ZDBF2: variants seen among roughly 807,000 people sequenced by gnomAD.
ZDBF2 encodes the protein zinc finger DBF-type containing 2.
In ZDBF2, 6 loss-of-function variants were observed where a neutral mutation model predicts 9.4. The observed-to-expected ratio is 0.64, with a 90% CI of 0.35 to 1.27. The LOEUF (loss-of-function observed/expected upper bound fraction) is 1.27, where lower values mean the gene tolerates loss of function less well. Among genes scored for constraint, ZDBF2 ranks in the 50% most tolerant of loss-of-function variants. The probability of loss-of-function intolerance (pLI) is 0.03; values close to 1 mark genes in which losing one functional copy is unlikely to be tolerated. For missense variants in ZDBF2, 2,697 were observed against 2,766.8 expected (o/e 0.97, Z 0.57); for synonymous variants, 905 against 946.3 (o/e 0.96, Z 0.80).
chr2:206,283,603 A>G lies in ZDBF2; in HGVS notation c.60+1694A>G, dbSNP rs200735722. Among the ~76,000 whole-genome samples the G allele has an allele frequency of 1.6e-4, 24 of 151,984 alleles. No homozygotes were observed. In the East Asian group the frequency reaches 3.7e-3, roughly 23 times the overall value. On this transcript the variant is annotated intron_variant, in intron 3 of 4. Coordinates refer to ENST00000374423, the MANE Select transcript of ZDBF2 (RefSeq NM_020923.3). Reference sequence around the variant, plus strand: ...GTAGAAGTCTTTATATATTTTGGATAATTGACCTTTATCAGATGTATGATT... The same window carrying G: ...GTAGAAGTCTTTATATATTTTGGATGATTGACCTTTATCAGATGTATGATT...
intron 3 of ZDBF2, among the ~76,000 whole-genome samples, chr2:206,286,748 T>C (rs1691623939): frequency 6.6e-6 from 1 of 152,180 alleles, no homozygotes; most frequent in Admixed American, 6.5e-5. Flanking sequence ...GGTGTATTGT[T>C]AGGTCATGAT....
chr2:206,287,731 G>A (rs559162160), intron 3 of ZDBF2, among the ~76,000 whole-genome samples: 2 of 152,016 alleles, frequency 1.3e-5, no homozygotes, highest in Non-Finnish European at 1.5e-5. Context: ...AAGTCTTGTA[G>A]GTTTTTTTCA....
intron 1 of ZDBF2, among the ~76,000 whole-genome samples, chr2:206,277,489 CATT>C (rs1232615023): frequency 5.9e-5 from 9 of 151,668 alleles, no homozygotes; most frequent in African/African-American, 1.9e-4. Flanking sequence ...TTAAAAATAG[CATT>C]ATTATTTTTA....
chr2:206,299,429 G>T (rs576430074), intron 4 of ZDBF2, among the ~76,000 whole-genome samples: 1 of 151,748 alleles, frequency 6.6e-6, no homozygotes, highest in Non-Finnish European at 1.5e-5. Context: ...CCAGCACTTT[G>T]GGAGGCCAAG....
At chr2:206,302,136 GTA>G (rs1692538904) in intron 4 of ZDBF2, among the ~76,000 whole-genome samples, 1 of 151,876 alleles carries the variant, frequency 6.6e-6, no homozygotes, top group African/African-American at 2.4e-5. Flanking sequence ...AGCCTCTTGA[GTA>G]TCTGGGACTA....
At chr2:206,281,176 T>G (rs1437759891) in intron 2 of ZDBF2, among the ~76,000 whole-genome samples, 1 of 152,206 alleles carries the variant, frequency 6.6e-6, no homozygotes, top group Admixed American at 6.5e-5. Flanking sequence ...ACTATTTATT[T>G]GTAGAGAAAT....
intron 3 of ZDBF2, among the ~76,000 whole-genome samples, chr2:206,286,875 G>A (rs1248986052): frequency 6.6e-6 from 1 of 152,080 alleles, no homozygotes; most frequent in Non-Finnish European, 1.5e-5. Context: ...ATTGCTTTCC[G>A]GTTGTTTTAT....
In ZDBF2 at chr2:206,307,704, C is replaced by CT; in HGVS notation, c.3182dup (p.Leu1061PhefsTer7). 6.2e-7 allele frequency: 1 copy of CT among 1,613,448 alleles called. No individual in the cohort carries two copies. The highest frequency in any genetic ancestry group is 1.6e-4 in the Middle Eastern group (1 of 6,062). On this transcript the variant is annotated frameshift_variant, in exon 5 of 5. Coordinates refer to ENST00000374423, the MANE Select transcript of ZDBF2 (RefSeq NM_020923.3). LOFTEE classifies it low-confidence loss of function (END_TRUNC). ...TCAATGACTGACCAACCTCAACTAG[C>CT]TTTTTTGAAGGAAAAACATGTTAAT...
intron 4 of ZDBF2, among the ~76,000 whole-genome samples, chr2:206,301,346 A>G (rs1692490104): frequency 6.6e-6 from 1 of 152,068 alleles, no homozygotes; most frequent in African/African-American, 2.4e-5. Flanking sequence ...TGATTTAATC[A>G]GATGTAAGGA....
At chr2:206,302,618 G>C (rs1172934387) in intron 4 of ZDBF2, among the ~76,000 whole-genome samples, 8 of 152,104 alleles carry the variant, frequency 5.3e-5, no homozygotes, top group Non-Finnish European at 1.2e-4. Context: ...AATGAAGATA[G>C]TTTAGGGTTC....
At chr2:206,277,480 T>A (rs957915071) in intron 1 of ZDBF2, among the ~76,000 whole-genome samples, 10 of 152,086 alleles carry the variant, frequency 6.6e-5, no homozygotes, top group African/African-American at 2.4e-4. Flanking sequence ...AGTCATTTTT[T>A]AAAAATAGCA....
rs969869677 is a variant in ZDBF2 at position 206,304,962 on chromosome 2, A to G, written c.434A>G (p.Gln145Arg). The G allele has an allele frequency of 3.7e-6, 6 of 1,613,602 alleles. No homozygotes were observed. The highest frequency in any genetic ancestry group is 1.3e-5 in the African/African-American group (1 of 74,922). ...PSVIQKLEKGQQQPLEFVHKI... is the reference protein window; with the variant it reads ...PSVIQKLEKGRQQPLEFVHKI... The stretch of plus-strand genomic sequence containing the variant: ...GTTATTCAAAAACTGGAGAAGGGAC[A>G]GCAGCAGCCCTTGGAGTTTGTTCAT... The change falls in exon 5 of 5, where the codon CAG becomes CGG. Residue 145 changes from glutamine (Q) to arginine (R), a missense_variant. Physicochemically the swap from Gln to Arg is conservative, Grantham distance 43. Transcript: ENST00000374423.
In ZDBF2 at chr2:206,313,610, T is replaced by C. The variant is rs1693285505; in HGVS notation, c.*2017T>C. 6.6e-6 allele frequency: 1 copy of C among 152,166 alleles called. No homozygotes were observed. Among genetic ancestry groups the C allele is most frequent in the South Asian group, 2.1e-4 (1 of 4,834 alleles). The allele number at this position is 152,166 out of a possible 1,614,324, so 9.4% of individuals were successfully genotyped here. A position where few individuals can be genotyped will look rare whatever the true frequency, so the allele number is the denominator to read the frequency against. On this transcript the variant is annotated 3_prime_UTR_variant, in exon 5 of 5. Transcript: ENST00000374423. ...ACATTCTACAGTCTTTCAGTGTAAGTTTAAAAGCAAGAGATCAAATGAAAA... is the reference window on the plus strand; with the variant it reads ...ACATTCTACAGTCTTTCAGTGTAAGCTTAAAAGCAAGAGATCAAATGAAAA...
At chr2:206,288,231 C>T (rs1691697937) in intron 3 of ZDBF2, among the ~76,000 whole-genome samples, 1 of 152,076 alleles carries the variant, frequency 6.6e-6, no homozygotes, top group South Asian at 2.1e-4. Context: ...ATAACTTTTA[C>T]CTGCAGTTGG....
chr2:206,308,613 A>G lies in ZDBF2; in HGVS notation c.4085A>G (p.Tyr1362Cys), dbSNP rs901295025. 7 of 1,613,192 alleles carry G rather than the reference A, an allele frequency of 4.3e-6. No homozygotes were observed. In the South Asian group the frequency reaches 4.4e-5, roughly 10 times the overall value. The change falls in exon 5 of 5, where the codon TAT becomes TGT. Residue 1362 changes from tyrosine (Y) to cysteine (C), a missense_variant. Physicochemically the swap from Tyr to Cys is radical, Grantham distance 194. Around this residue, in one of 3 missense-constraint regions of ZDBF2, gnomAD observed 1,783 missense variants for 1,776.5 expected, o/e 1.00. Transcript: ENST00000374423. The part of the protein sequence containing the change: ...ASLEDKSSNS[Y>C]SPEESSDSND... Reference sequence around the variant, plus strand: ...CTGGAAGATAAGAGCAGTAATTCTTATAGTCCTGAAGAAAGTTCTGATTCC... The same window carrying G: ...CTGGAAGATAAGAGCAGTAATTCTTGTAGTCCTGAAGAAAGTTCTGATTCC...
intron 2 of ZDBF2, among the ~76,000 whole-genome samples, chr2:206,281,337 G>A (rs1422977103): frequency 6.6e-6 from 1 of 152,132 alleles, no homozygotes; most frequent in African/African-American, 2.4e-5. Context: ...CTCTCTATGA[G>A]CTGAGCAGAA....
Position 206,310,754 on chromosome 2 carries a change from C to T in ZDBF2, c.6226C>T (p.Arg2076Cys), listed in dbSNP as rs202059950. Residue 2076 changes from arginine to cysteine, a missense_variant, in exon 5 of 5, where the codon CGT becomes TGT. Physicochemically the swap from Arg to Cys is radical, Grantham distance 180 (BLOSUM62 -3). This residue lies in a region of ZDBF2 where 1,783 missense variants were observed against 1,776.5 expected (regional missense o/e 1.00). Coordinates refer to ENST00000374423, the MANE Select transcript of ZDBF2 (RefSeq NM_020923.3). ...TGTAATAGTACCAGAGTTTGAGAGG[C>T]GTAACTGGGTTAAAATTCATTTTAA... is the stretch of plus-strand genomic sequence containing the variant. The part of the protein sequence containing the change: ...LSVIVPEFER[R>C]NWVKIHFNRS... 5.0e-5 allele frequency: 80 copies of T among 1,613,802 alleles called. No individual in the cohort carries two copies. The African/African-American group carries it at 8.0e-4, about 16-fold the overall frequency.
At chr2:206,283,853 G>A (rs1354928016) in intron 3 of ZDBF2, among the ~76,000 whole-genome samples, 1 of 152,028 alleles carries the variant, frequency 6.6e-6, no homozygotes, top group Non-Finnish European at 1.5e-5. Context: ...TGTAGAGATG[G>A]GGTCTCACTA....
intron 3 of ZDBF2, among the ~76,000 whole-genome samples, chr2:206,289,981 C>A (rs993555328): frequency 1.3e-5 from 2 of 152,192 alleles, no homozygotes; most frequent in African/African-American, 4.8e-5. Context: ...TCCTCTGATG[C>A]ACTCCATTGC....
Sources: gnomAD v4.1 joint callset for allele counts (sites outside exome capture counted in the v4.1 genomes callset) on GRCh38, gnomAD v4.1.1 for gene constraint, gnomAD v4.1.1 regional missense constraint, MANE v1.5 for transcripts, NCBI Gene and HGNC (gene_info 2026-07-23, HGNC 2026-07-21) for gene names.